Variants in DLGAP1 observed in about 807,000 individuals in gnomAD.
The protein encoded by DLGAP1 is DLG associated protein 1.
DLGAP1 carries 11 observed loss-of-function variants against 90.8 expected under a neutral mutation model. That is an observed-to-expected ratio of 0.12 (90% CI 0.08 to 0.20). DLGAP1 has a LOEUF of 0.20. Ranked by LOEUF, DLGAP1 falls within the 10% of genes least tolerant of loss-of-function variation. DLGAP1 has a pLI of 1.00. For missense variants in DLGAP1, 1,050 were observed against 1,333.8 expected, an observed-to-expected ratio of 0.79 and a Z score of 3.31; for synonymous variants, 558 against 540.7, an observed-to-expected ratio of 1.03 and a Z score of -0.44.
intron 2 of DLGAP1, among the ~76,000 whole-genome samples, chr18:4,038,843 G>A (rs1195812678): frequency 6.6e-6 from 1 of 152,060 alleles, no homozygotes; most frequent in Non-Finnish European, 1.5e-5. Context: ...GTTTCCTCTG[G>A]CTGTGGTACT....
Position 3,962,694 on chromosome 18 carries a change from T to G in DLGAP1, c.-73+42422A>C, listed in dbSNP as rs537063092. Among the ~76,000 whole-genome samples the G allele has an allele frequency of 2.6e-5, 4 of 152,286 alleles. No individual in the cohort carries two copies. The East Asian group carries it at 7.7e-4, about 29-fold the overall frequency. ...ATCCCTATGCTTGTTTTCATGATAT[T>G]TTTAGGAATCCTTCCAGGACATTTA... is the stretch of plus-strand genomic sequence containing the variant. On this transcript the variant is annotated intron_variant, in intron 3 of 12. Coordinates refer to ENST00000315677, the MANE Select transcript of DLGAP1 (RefSeq NM_004746.4).
intron 4 of DLGAP1, among the ~76,000 whole-genome samples, chr18:3,874,918 A>G (rs1461726913): frequency 1.3e-5 from 2 of 152,220 alleles, no homozygotes; most frequent in Non-Finnish European, 2.9e-5. Flanking sequence ...TTCAAGCTAC[A>G]GTATTTGATT....
At chr18:3,505,046 A>G (rs928556865) in intron 11 of DLGAP1, among the ~76,000 whole-genome samples, 4 of 152,200 alleles carry the variant, frequency 2.6e-5, no homozygotes, top group African/African-American at 9.6e-5. Context: ...AAATAGAGCT[A>G]TGATTTTTCT....
At chr18:4,050,498 CA>C (rs2075118007) in intron 2 of DLGAP1, among the ~76,000 whole-genome samples, 1 of 152,062 alleles carries the variant, frequency 6.6e-6, no homozygotes, top group Non-Finnish European at 1.5e-5. Flanking sequence ...ATAGTTTTAC[CA>C]AAGCCTAGAG....
At chr18:4,173,268 G>A (rs2077052904) in intron 1 of DLGAP1, among the ~76,000 whole-genome samples, 1 of 152,192 alleles carries the variant, frequency 6.6e-6, no homozygotes, top group Non-Finnish European at 1.5e-5. Flanking sequence ...GTTTTCTGCA[G>A]AGCCCCAATC....
At chr18:4,367,771 C>T (rs1363732183) in intron 1 of DLGAP1, among the ~76,000 whole-genome samples, 1 of 151,902 alleles carries the variant, frequency 6.6e-6, no homozygotes, top group East Asian at 1.9e-4. Flanking sequence ...ATGGCGTGAA[C>T]CCGGGAGGCA....
intron 1 of DLGAP1, among the ~76,000 whole-genome samples, chr18:4,408,332 G>T (rs1034375038): frequency 3.0e-4 from 45 of 152,178 alleles, no homozygotes; most frequent in African/African-American, 9.6e-4. Context: ...ACCATAAAAA[G>T]CACAGAACTA....
At chr18:4,235,717 GTCTT>G (rs1376476578) in intron 1 of DLGAP1, among the ~76,000 whole-genome samples, 2 of 101,604 alleles carry the variant, frequency 2.0e-5, no homozygotes, top group Non-Finnish European at 3.9e-5. Flanking sequence ...CAATTTCAAT[GTCTT>G]TTTTTTTTTT....
In DLGAP1 at chr18:3,711,458, AG is replaced by A. The variant is rs778328808; in HGVS notation, c.1591+17676del. Among the ~76,000 whole-genome samples the A allele has an allele frequency of 6.6e-6, 1 of 152,252 alleles. No homozygotes were observed. Among genetic ancestry groups the A allele is most frequent in the Admixed American group, 6.5e-5 (1 of 15,290 alleles). The stretch of plus-strand genomic sequence containing the variant: ...AAACAAAAAATAAAAATACCCACCT[AG>A]GTGAGACAACTTCAACTTCAATCAC... On this transcript the variant is annotated intron_variant, in intron 7 of 12. Coordinates refer to ENST00000315677, the MANE Select transcript of DLGAP1 (RefSeq NM_004746.4). The surrounding 1 kb of genome is among the most constrained non-coding windows in gnomAD (Gnocchi z 4.0).
At chr18:3,604,998 T>C (rs1003570642) in intron 7 of DLGAP1, among the ~76,000 whole-genome samples, 2 of 152,188 alleles carry the variant, frequency 1.3e-5, no homozygotes, top group African/African-American at 4.8e-5. Context: ...CTACTTAGTC[T>C]CACTGGGTCT....
At chr18:4,060,527 A>G (rs2075284275) in intron 2 of DLGAP1, among the ~76,000 whole-genome samples, 1 of 152,190 alleles carries the variant, frequency 6.6e-6, no homozygotes, top group Non-Finnish European at 1.5e-5. Context: ...ATAGCCCACA[A>G]TTATTCAGAC....
chr18:4,064,023 C>T (rs2075337189), intron 2 of DLGAP1, among the ~76,000 whole-genome samples: 1 of 152,090 alleles, frequency 6.6e-6, no homozygotes, highest in Admixed American at 6.6e-5. Context: ...TTTCACCCAC[C>T]TGGCATGTCC....
intron 5 of DLGAP1, among the ~76,000 whole-genome samples, chr18:3,805,811 CA>C (rs1300745673): frequency 6.6e-6 from 1 of 152,212 alleles, no homozygotes; most frequent in African/African-American, 2.4e-5. Context: ...CAGCTTGTTT[CA>C]AAAGAGGCCT....
At chr18:3,956,169 C>T (rs2073078945) in intron 3 of DLGAP1, among the ~76,000 whole-genome samples, 1 of 152,100 alleles carries the variant, frequency 6.6e-6, no homozygotes, top group Non-Finnish European at 1.5e-5. Context: ...ATCTTAAAGG[C>T]AGCCAGGGAA....
intron 3 of DLGAP1, among the ~76,000 whole-genome samples, chr18:3,999,290 T>G (rs1412217454): frequency 6.6e-6 from 1 of 152,116 alleles, no homozygotes; most frequent in Non-Finnish European, 1.5e-5. Context: ...ACATACATAT[T>G]ATTATTAAAA....
intron 1 of DLGAP1, among the ~76,000 whole-genome samples, chr18:4,224,337 TAAAGA>T (rs2078140260): frequency 6.6e-6 from 1 of 151,740 alleles, no homozygotes; most frequent in East Asian, 1.9e-4. Flanking sequence ...GAAACAAGAG[TAAAGA>T]AAACAGACTA....
At chr18:3,849,587 A>C (rs895010948) in intron 4 of DLGAP1, among the ~76,000 whole-genome samples, 1 of 152,152 alleles carries the variant, frequency 6.6e-6, no homozygotes. Context: ...CCAATGAAGA[A>C]AGGGACAGCC....
chr18:3,572,424 TTTTATTTATTTA>T (rs570469306), intron 8 of DLGAP1, among the ~76,000 whole-genome samples: 1 of 133,284 alleles, frequency 7.5e-6, no homozygotes, highest in Non-Finnish European at 1.6e-5. Context: ...GATTGGTTTC[TTTTATTTATTTA>T]TTTGTTTGTT....
intron 2 of DLGAP1, among the ~76,000 whole-genome samples, chr18:4,068,680 T>C (rs2075404305): frequency 6.6e-6 from 1 of 152,176 alleles, no homozygotes; most frequent in Admixed American, 6.6e-5. Flanking sequence ...GAGAAATCAT[T>C]ATTTTTGGAA....
Sources: gnomAD v4.1 joint callset for allele counts (sites outside exome capture counted in the v4.1 genomes callset) on GRCh38, gnomAD v4.1.1 for gene constraint, Gnocchi (gnomAD v3.1) non-coding constraint, MANE v1.5 for transcripts, NCBI Gene and HGNC (gene_info 2026-07-23, HGNC 2026-07-21) for gene names.